DLG2: variants seen among roughly 807,000 people sequenced by gnomAD.
DLG2 encodes discs large MAGUK scaffold protein 2.
DLG2 carries 45 observed loss-of-function variants against 132.5 expected under a neutral mutation model. The observed-to-expected ratio is 0.34, with a 90% CI of 0.27 to 0.44. The LOEUF is 0.44. Among genes scored for constraint, DLG2 ranks in the 20% least tolerant of loss-of-function variants. The pLI is 1.00. For missense variants in DLG2, 1,045 were observed against 1,196.9 expected (o/e 0.87, Z 1.87); for synonymous variants, 424 against 419.6 (o/e 1.01, Z -0.13).
chr11:83,594,814 C>T (rs922842394), intron 19 of DLG2, among the ~76,000 whole-genome samples: 2 of 152,138 alleles, frequency 1.3e-5, no homozygotes, highest in African/African-American at 4.8e-5. Flanking sequence ...TCAGCAAAAG[C>T]AAGTGGGCTC....
chr11:85,102,209 C>CGGA (rs2070982428), intron 6 of DLG2, among the ~76,000 whole-genome samples: 1 of 152,008 alleles, frequency 6.6e-6, no homozygotes, highest in African/African-American at 2.4e-5. Context: ...AATTGGGAAT[C>CGGA]CAAAGGAGTC....
At chr11:84,334,879 A>C (rs914602885) in intron 7 of DLG2, among the ~76,000 whole-genome samples, 1 of 152,184 alleles carries the variant, frequency 6.6e-6, no homozygotes, top group African/African-American at 2.4e-5. Flanking sequence ...ATTTCGGCTG[A>C]GAAAGCTGAT....
intron 9 of DLG2, among the ~76,000 whole-genome samples, chr11:84,108,095 G>A (rs375830592): frequency 6.6e-6 from 1 of 152,062 alleles, no homozygotes; most frequent in African/African-American, 2.4e-5. Flanking sequence ...AATATGAGAC[G>A]TAAGGGAAGA....
At chr11:85,300,188 A>G (rs2079500343) in intron 3 of DLG2, among the ~76,000 whole-genome samples, 1 of 152,324 alleles carries the variant, frequency 6.6e-6, no homozygotes, top group South Asian at 2.1e-4. Context: ...AAATTTCCAT[A>G]CTTCACTTCC....
At chr11:85,270,673 G>A (rs1156406215) in intron 4 of DLG2, among the ~76,000 whole-genome samples, 1 of 152,198 alleles carries the variant, frequency 6.6e-6, no homozygotes, top group Non-Finnish European at 1.5e-5. Context: ...AATCCAGGCT[G>A]AGGTGGTCTC....
intron 15 of DLG2, among the ~76,000 whole-genome samples, chr11:83,924,904 G>T (rs1443036559): frequency 6.6e-6 from 1 of 152,090 alleles, no homozygotes; most frequent in African/African-American, 2.4e-5. Context: ...ATTTTTCATA[G>T]ATAATGCTTC....
intron 6 of DLG2, among the ~76,000 whole-genome samples, chr11:84,931,744 T>C (rs2048117240): frequency 6.6e-6 from 1 of 152,210 alleles, no homozygotes; most frequent in South Asian, 2.1e-4. Flanking sequence ...CAATAGTGTA[T>C]GTGTTCCTTT....
chr11:83,866,514 T>C (rs1298760245), intron 16 of DLG2, among the ~76,000 whole-genome samples: 2 of 152,138 alleles, frequency 1.3e-5, no homozygotes, highest in Non-Finnish European at 2.9e-5. Flanking sequence ...ATATTATTAT[T>C]AGCATTAATA....
intron 4 of DLG2, among the ~76,000 whole-genome samples, chr11:85,217,643 A>G (rs1051841295): frequency 5.9e-5 from 9 of 152,156 alleles, no homozygotes; most frequent in African/African-American, 2.2e-4. Flanking sequence ...CCTATGCAAC[A>G]TACTCCAGTT....
chr11:85,301,424 T>C (rs969884009), intron 3 of DLG2, among the ~76,000 whole-genome samples: 1 of 152,148 alleles, frequency 6.6e-6, no homozygotes, highest in African/African-American at 2.4e-5. Context: ...TGGATGGATG[T>C]GTAAAGCAAA....
At chr11:85,342,279 T>C (rs1488752979) in intron 3 of DLG2, among the ~76,000 whole-genome samples, 1 of 152,194 alleles carries the variant, frequency 6.6e-6, no homozygotes, top group South Asian at 2.1e-4. Context: ...TTTCTTTATA[T>C]CCTTGTTTGT....
At chr11:84,517,018 A>T (rs986633884) in intron 7 of DLG2, among the ~76,000 whole-genome samples, 1 of 54,120 alleles carries the variant, frequency 1.8e-5, no homozygotes, top group Non-Finnish European at 3.7e-5. Context: ...GTAAAAAAAT[A>T]AAAAATAAAT....
chr11:85,132,594 T>G (rs550759004), intron 5 of DLG2, among the ~76,000 whole-genome samples: 27 of 151,800 alleles, frequency 1.8e-4, no homozygotes, highest in Non-Finnish European at 3.5e-4. Context: ...GAAGTTAAAA[T>G]CACATAAAGA....
chr11:84,405,724 A>T (rs2098846464), intron 7 of DLG2, among the ~76,000 whole-genome samples: 1 of 152,222 alleles, frequency 6.6e-6, no homozygotes, highest in Non-Finnish European at 1.5e-5. Context: ...TAAGGGGGAA[A>T]AAAAGCTAAA....
intron 3 of DLG2, among the ~76,000 whole-genome samples, chr11:85,499,346 A>C (rs1158173936): frequency 6.6e-6 from 1 of 152,252 alleles, no homozygotes; most frequent in Non-Finnish European, 1.5e-5. Flanking sequence ...GAAAATCTAG[A>C]AGAAATGGAT....
chr11:85,307,591 C>G (rs1283229043), intron 3 of DLG2, among the ~76,000 whole-genome samples: 1 of 152,178 alleles, frequency 6.6e-6, no homozygotes, highest in Non-Finnish European at 1.5e-5. Context: ...TCCCTTTCCT[C>G]AATTTCACAG....
At chr11:84,502,212 TTC>T (rs2099212076) in intron 7 of DLG2, among the ~76,000 whole-genome samples, 1 of 2,952 alleles carries the variant, frequency 3.4e-4, no homozygotes, top group Non-Finnish European at 5.9e-4. Context: ...CCTTCCTTCC[TTC>T]CTTCCTTCCT....
intron 6 of DLG2, among the ~76,000 whole-genome samples, chr11:84,561,298 T>A (rs1358260394): frequency 6.6e-6 from 1 of 152,092 alleles, no homozygotes; most frequent in Admixed American, 6.6e-5. Context: ...ATCCTATAGA[T>A]TTCATGATGG....
intron 8 of DLG2, among the ~76,000 whole-genome samples, chr11:84,183,209 A>G (rs1345223706): frequency 2.6e-5 from 4 of 152,334 alleles, no homozygotes; most frequent in Non-Finnish European, 5.9e-5. Context: ...CAGAAAAGAG[A>G]AGCACAAAAA....
Sources: allele counts gnomAD v4.1 joint callset (sites outside exome capture counted in the v4.1 genomes callset), GRCh38; gene constraint gnomAD v4.1.1; transcripts MANE v1.5; gene names NCBI Gene and HGNC (gene_info 2026-07-23, HGNC 2026-07-21).